CADPS: variants seen among roughly 807,000 people sequenced by gnomAD.
CADPS encodes calcium-dependent secretion activator 1.
A neutral mutation model predicts 167.3 loss-of-function variants in CADPS; 57 were observed. The observed-to-expected ratio is 0.34, with a 90% CI of 0.28 to 0.42. CADPS has a LOEUF of 0.42. Among genes scored for constraint, CADPS ranks in the 20% least tolerant of loss-of-function variants. CADPS has a pLI of 1.00. For missense variants in CADPS, 1,414 were observed against 1,738.1 expected (o/e 0.81, Z 3.32); for synonymous variants, 676 against 635.3 (o/e 1.06, Z -0.96).
chr3:62,618,117 A>G (rs1012485038), intron 6 of CADPS, among the ~76,000 whole-genome samples: 2 of 152,140 alleles, frequency 1.3e-5, no homozygotes, highest in Non-Finnish European at 2.9e-5. Context: ...CTGAAACCCC[A>G]GGGAAGGGAA....
intron 3 of CADPS, among the ~76,000 whole-genome samples, chr3:62,688,605 C>T (rs1295726161): frequency 6.6e-6 from 1 of 152,100 alleles, no homozygotes. Context: ...TTCTAAGGCA[C>T]CCAGCTAGTT....
At chr3:62,821,762 A>G (rs1576890428) in intron 1 of CADPS, among the ~76,000 whole-genome samples, 1 of 152,278 alleles carries the variant, frequency 6.6e-6, no homozygotes, top group South Asian at 2.1e-4. Context: ...TTCAACATAA[A>G]CACTGGGTGA....
At chr3:62,552,704 G>T (rs2077508123) in intron 10 of CADPS, among the ~76,000 whole-genome samples, 1 of 152,184 alleles carries the variant, frequency 6.6e-6, no homozygotes, top group East Asian at 1.9e-4. Flanking sequence ...TGTCTATGCT[G>T]CAAGCGTGGG....
chr3:62,484,537 A>G lies in CADPS; in HGVS notation c.3027-2668T>C, dbSNP rs112302540. ...ATGAATTGCAATCCTAACAACTTATATGCATTAAAATTTACACTCTTTCAT... is the reference window on the plus strand; with the variant it reads ...ATGAATTGCAATCCTAACAACTTATGTGCATTAAAATTTACACTCTTTCAT... On this transcript the variant is annotated intron_variant, in intron 21 of 29. Coordinates refer to ENST00000383710, the MANE Select transcript of CADPS (RefSeq NM_003716.4). Among the ~76,000 whole-genome samples, 445 of 152,270 alleles carry G rather than the reference A, an allele frequency of 2.9e-3. 4 individuals carry two copies. Among genetic ancestry groups the G allele is most frequent in the African/African-American group, 0.01 (422 of 41,546 alleles).
At chr3:62,694,108 A>T (rs528912938) in intron 3 of CADPS, among the ~76,000 whole-genome samples, 1 of 152,224 alleles carries the variant, frequency 6.6e-6, no homozygotes, top group East Asian at 1.9e-4. Flanking sequence ...ACATGGGCTT[A>T]ACCCAGACTT....
At chr3:62,873,883 G>A (rs186351084) in intron 1 of CADPS, among the ~76,000 whole-genome samples, 257 of 152,254 alleles carry the variant, frequency 1.7e-3, no homozygotes, top group Non-Finnish European at 2.7e-3. Flanking sequence ...CCCTGCTCTG[G>A]GGTCAGTGAG....
chr3:62,852,864 T>C (rs1410459828), intron 1 of CADPS, among the ~76,000 whole-genome samples: 3 of 152,254 alleles, frequency 2.0e-5, no homozygotes, highest in Non-Finnish European at 4.4e-5. Flanking sequence ...CTATGTAGCA[T>C]TGAATGAATA....
chr3:62,801,479 CT>C (rs1350861528), intron 1 of CADPS, among the ~76,000 whole-genome samples: 3 of 152,090 alleles, frequency 2.0e-5, no homozygotes, highest in African/African-American at 7.2e-5. Flanking sequence ...CCCAGATAAT[CT>C]TGTCTTTCCT....
intron 21 of CADPS, among the ~76,000 whole-genome samples, chr3:62,485,766 G>A (rs1030558564): frequency 6.6e-6 from 1 of 152,188 alleles, no homozygotes; most frequent in African/African-American, 2.4e-5. Flanking sequence ...GTGTTAGGGA[G>A]GCAGCGATGA....
chr3:62,447,281 T>G (rs1017927408), intron 26 of CADPS, among the ~76,000 whole-genome samples: 1 of 152,144 alleles, frequency 6.6e-6, no homozygotes, highest in African/African-American at 2.4e-5. Context: ...TTTGTAAACT[T>G]TAAAGCAAGG....
At chr3:62,495,345 A>C (rs2064528759) in intron 18 of CADPS, among the ~76,000 whole-genome samples, 1 of 152,230 alleles carries the variant, frequency 6.6e-6, no homozygotes. Flanking sequence ...ACAACCAGAA[A>C]GCAAAAGTGT....
At chr3:62,400,746 C>T (rs997240888) in intron 29 of CADPS, among the ~76,000 whole-genome samples, 2 of 151,820 alleles carry the variant, frequency 1.3e-5, no homozygotes, top group African/African-American at 4.8e-5. Context: ...ATTATAGGTG[C>T]CCGCCACCAT....
intron 26 of CADPS, among the ~76,000 whole-genome samples, chr3:62,454,347 C>T (rs1224176546): frequency 6.6e-6 from 1 of 152,170 alleles, no homozygotes; most frequent in South Asian, 2.1e-4. Context: ...ACCTAATTTA[C>T]AGTATCTTAT....
chr3:62,725,548 C>T (rs1314445072), intron 3 of CADPS, among the ~76,000 whole-genome samples: 1 of 152,166 alleles, frequency 6.6e-6, no homozygotes, highest in Non-Finnish European at 1.5e-5. Context: ...TCAGTTTCCT[C>T]AACCATTGAA....
intron 9 of CADPS, among the ~76,000 whole-genome samples, chr3:62,561,567 G>A (rs1476203327): frequency 6.6e-6 from 1 of 152,008 alleles, no homozygotes. Flanking sequence ...ACCACACCTG[G>A]CCAGATATCT....
intron 21 of CADPS, among the ~76,000 whole-genome samples, chr3:62,484,434 T>C (rs2062505687): frequency 6.6e-6 from 1 of 152,220 alleles, no homozygotes; most frequent in Non-Finnish European, 1.5e-5. Flanking sequence ...AGGGCCTTTT[T>C]AGCAGCTACC....
intron 3 of CADPS, among the ~76,000 whole-genome samples, chr3:62,667,530 C>T (rs181974737): frequency 1.3e-5 from 2 of 152,094 alleles, no homozygotes; most frequent in Admixed American, 1.3e-4. Context: ...AAGTTATATT[C>T]TAGGGAATAT....
At chr3:62,525,774 GA>G (rs898370387) in intron 13 of CADPS, among the ~76,000 whole-genome samples, 6 of 151,438 alleles carry the variant, frequency 4.0e-5, no homozygotes, top group African/African-American at 1.5e-4. Flanking sequence ...TAGAGTGAAA[GA>G]AAAAAATGTG....
intron 1 of CADPS, among the ~76,000 whole-genome samples, chr3:62,816,589 G>A (rs2094625313): frequency 6.6e-6 from 1 of 151,622 alleles, no homozygotes. Flanking sequence ...AAATATCTAT[G>A]TATATATTTA....
Sources: gnomAD v4.1 joint callset for allele counts (sites outside exome capture counted in the v4.1 genomes callset) on GRCh38, gnomAD v4.1.1 for gene constraint, MANE v1.5 for transcripts, NCBI Gene and HGNC (gene_info 2026-07-23, HGNC 2026-07-21) for gene names.